NBEAL1: variants seen among roughly 807,000 people sequenced by gnomAD.
NBEAL1 encodes neurobeachin like 1, also known as neurobeachin-like protein 1.
A neutral mutation model predicts 351.3 loss-of-function variants in NBEAL1; 273 were observed. The ratio of observed to expected loss-of-function variants is 0.78; its 90% confidence interval spans 0.70 to 0.86. The LOEUF is 0.86. Ranked by LOEUF, NBEAL1 falls within the 40% of genes least tolerant of loss-of-function variation. The pLI is 0.00. For missense variants in NBEAL1, 2,961 were observed against 3,201.3 expected, an observed-to-expected ratio of 0.92 and a Z score of 1.81; for synonymous variants, 1,050 against 1,086.4, an observed-to-expected ratio of 0.97 and a Z score of 0.66.
chr2:203,038,554 T>C (rs1417304352), intron 2 of NBEAL1, among the ~76,000 whole-genome samples: 1 of 149,212 alleles, frequency 6.7e-6, no homozygotes, highest in African/African-American at 2.4e-5. Flanking sequence ...ATTGTCTTTT[T>C]GTTATTGATT....
chr2:203,127,154 GT>G (rs2062956974), intron 23 of NBEAL1, among the ~76,000 whole-genome samples: 1 of 152,142 alleles, frequency 6.6e-6, no homozygotes, highest in African/African-American at 2.4e-5. Context: ...CAACTTCTCT[GT>G]GCTTGGGTTT....
At chr2:203,041,370 G>A (rs1482621470) in intron 2 of NBEAL1, among the ~76,000 whole-genome samples, 2 of 152,138 alleles carry the variant, frequency 1.3e-5, no homozygotes, top group African/African-American at 4.8e-5. Flanking sequence ...AGATGAGGGA[G>A]TAGCCATTCA....
chr2:203,185,349 C>A (rs532060448), intron 44 of NBEAL1, among the ~76,000 whole-genome samples: 1 of 152,024 alleles, frequency 6.6e-6, no homozygotes, highest in African/African-American at 2.4e-5. Context: ...TACTGAGTAA[C>A]AAACTGTTCC....
chr2:203,060,238 C>T (rs1379337104), intron 6 of NBEAL1, among the ~76,000 whole-genome samples: 1 of 151,860 alleles, frequency 6.6e-6, no homozygotes, highest in Non-Finnish European at 1.5e-5. Context: ...AAAGGCAGCT[C>T]TGATAACAAA....
At position 203,172,003 on chromosome 2, in the gene NBEAL1, G is replaced by T; in HGVS notation, c.6178G>T (p.Asp2060Tyr). 1 of 1,597,720 alleles carries T rather than the reference G, an allele frequency of 6.3e-7. No individual in the cohort carries two copies. Among genetic ancestry groups the T allele is most frequent in the South Asian group, 1.1e-5 (1 of 87,420 alleles). ...INTMAGRTYN[D>Y]LAQYPVFPWI... The stretch of plus-strand genomic sequence containing the variant: ...TACAATGGCAGGACGAACCTATAAT[G>T]ACCTTGCACAGTATCCTGTGGTAAG... Residue 2060 changes from aspartate (D) to tyrosine (Y), a missense_variant, in exon 40 of 56, where the codon GAC becomes TAC. By Grantham distance (160) the Asp-to-Tyr change is radical. Coordinates refer to ENST00000683969, the MANE Select transcript of NBEAL1 (RefSeq NM_001378026.1).
In NBEAL1 at chr2:203,125,469, G is replaced by C; in HGVS notation, c.2800G>C (p.Val934Leu). 1 of 1,543,702 alleles carries C rather than the reference G, an allele frequency of 6.5e-7. No homozygotes were observed. Among genetic ancestry groups the C allele is most frequent in the Non-Finnish European group, 8.7e-7 (1 of 1,143,714 alleles). Residue 934 changes from valine to leucine, a missense_variant, in exon 20 of 56, where the codon GTA becomes CTA. Transcript: ENST00000683969. ...EKNESTVPESVTPVEGDWLVW... is the reference protein window; with the variant it reads ...EKNESTVPESLTPVEGDWLVW... The stretch of plus-strand genomic sequence containing the variant: ...GAATGAAAGCACAGTTCCTGAATCA[G>C]TAACACCTGTTGAAGGAGATTGGCT...
Position 203,097,623 on chromosome 2 carries a change from A to T in NBEAL1, c.1175A>T (p.Asn392Ile), listed in dbSNP as rs986394615. ...GCCAACAAATTACTGACAGAAATGA[A>T]TGAGGACCAGGTATCTACAAAGCCT... ...DLANKLLTEM[N>I]EDQVFQGQLD... The change falls in exon 11 of 56, where the codon AAT (asparagine) becomes ATT (isoleucine). Residue 392 changes from asparagine to isoleucine, a missense_variant. Asn to Ile is a moderately radical substitution (Grantham distance 149). Coordinates refer to ENST00000683969, the MANE Select transcript of NBEAL1 (RefSeq NM_001378026.1). 2 of 985,290 alleles carry T rather than the reference A, an allele frequency of 2.0e-6. No individual in the cohort carries two copies. The highest frequency in any genetic ancestry group is 1.7e-5 in the African/African-American group (1 of 57,244). 61.0% of individuals were successfully genotyped at this position (985,290 alleles called of 1,614,324 possible).
At chr2:203,066,305 G>A (rs1037980430) in intron 6 of NBEAL1, among the ~76,000 whole-genome samples, 1 of 148,644 alleles carries the variant, frequency 6.7e-6, no homozygotes, top group African/African-American at 2.5e-5. Flanking sequence ...CTAACTGAAA[G>A]CTAAATTAAA....
intron 52 of NBEAL1, 151 bp from the exon 53 acceptor site, chr2:203,209,010 G>T: frequency 1.5e-6 from 1 of 648,910 alleles, no homozygotes; most frequent in Non-Finnish European, 2.5e-6. Flanking sequence ...TTTCGAAGTT[G>T]GAATTTTTCC....
intron 2 of NBEAL1, among the ~76,000 whole-genome samples, chr2:203,039,430 G>C (rs1168887316): frequency 7.0e-6 from 1 of 143,046 alleles, no homozygotes; most frequent in African/African-American, 2.5e-5. Context: ...CCGAGATAGA[G>C]TCTTGCTTTG....
chr2:203,121,109 G>A (rs144526319), intron 18 of NBEAL1, among the ~76,000 whole-genome samples: 118 of 152,264 alleles, frequency 7.7e-4, no homozygotes, highest in African/African-American at 2.7e-3. Context: ...TACAGACTAA[G>A]CTCTTACTCT....
At chr2:203,040,439 G>T (rs1224646131) in intron 2 of NBEAL1, 71 of 719,202 alleles carry the variant, frequency 9.9e-5, no homozygotes, top group East Asian at 5.2e-5. Context: ...GTAAGACTTC[G>T]CCTGAAGAAA....
chr2:203,179,573 AG>A (rs2064636383), intron 42 of NBEAL1, among the ~76,000 whole-genome samples: 1 of 152,210 alleles, frequency 6.6e-6, no homozygotes, highest in Admixed American at 6.5e-5. Flanking sequence ...TAAAAGCTTT[AG>A]CCACAGAGTT....
intron 3 of NBEAL1, among the ~76,000 whole-genome samples, chr2:203,045,932 A>T (rs2106058466): frequency 1.3e-5 from 2 of 152,330 alleles, no homozygotes; most frequent in South Asian, 4.1e-4. Flanking sequence ...AAAATATATT[A>T]CATTTTTATA....
intron 41 of NBEAL1, among the ~76,000 whole-genome samples, chr2:203,173,134 T>C (rs1044940980): frequency 3.9e-5 from 6 of 152,166 alleles, no homozygotes; most frequent in African/African-American, 1.4e-4. Flanking sequence ...GAGTAATAAA[T>C]TCTTGAAATT....
intron 8 of NBEAL1, 146 bp from the exon 9 acceptor site, chr2:203,083,073 G>A: frequency 1.5e-6 from 1 of 664,580 alleles, no homozygotes; most frequent in African/African-American, 1.8e-5. Context: ...TGAACCACTA[G>A]CAGTGGCTAT....
At chr2:203,024,279 C>T (rs186615368) in intron 2 of NBEAL1, among the ~76,000 whole-genome samples, 9 of 151,808 alleles carry the variant, frequency 5.9e-5, no homozygotes, top group East Asian at 1.9e-4. Flanking sequence ...TATTACGGTC[C>T]GCATCTGGTG....
In NBEAL1 at chr2:203,127,942, T is replaced by C; in HGVS notation, c.3405+5T>C. 4 of 1,545,704 alleles carry C rather than the reference T, an allele frequency of 2.6e-6. No individual in the cohort carries two copies. The highest frequency in any genetic ancestry group is 2.6e-6 in the Non-Finnish European group (3 of 1,142,444). On this transcript the variant is annotated splice_donor_5th_base_variant and intron_variant, in intron 24 of 55. Transcript: ENST00000683969. The stretch of plus-strand genomic sequence containing the variant: ...GCTACTAATGAAGAAGAACAGGTAT[T>C]ATGCCTAAGATACATCTACTTTTCC...
In NBEAL1 at chr2:203,199,422, A is replaced by G; in HGVS notation, c.7213A>G (p.Lys2405Glu). 1 of 1,601,604 alleles carries G rather than the reference A, an allele frequency of 6.2e-7. No individual in the cohort carries two copies. Among genetic ancestry groups the G allele is most frequent in the African/African-American group, 1.3e-5 (1 of 74,760 alleles). ...RNISNYFTFI[K>E]DQTVTNPKTQ... is the part of the protein sequence containing the mutation. ...CATTTCTAATTACTTTACATTCATC[A>G]AGGATCAAACTGTGACAAATCCAAA... is the stretch of plus-strand genomic sequence containing the variant. Residue 2405 changes from lysine to glutamate, a missense_variant, in exon 49 of 56, where the codon AAG becomes GAG. Lys to Glu is a moderately conservative substitution (Grantham distance 56). Coordinates refer to ENST00000683969, the MANE Select transcript of NBEAL1 (RefSeq NM_001378026.1).
Sources: allele counts gnomAD v4.1 joint callset (sites outside exome capture counted in the v4.1 genomes callset), GRCh38; gene constraint gnomAD v4.1.1; transcripts MANE v1.5; gene names NCBI Gene and HGNC (gene_info 2026-07-23, HGNC 2026-07-21).